ZNF423: variants seen among roughly 807,000 people sequenced by gnomAD.
ZNF423 encodes zinc finger protein 423.
A neutral mutation model predicts 95.8 loss-of-function variants in ZNF423; 12 were observed. The observed-to-expected ratio is 0.13, with a 90% CI of 0.08 to 0.20. ZNF423 has a LOEUF of 0.20. Among genes scored for constraint, ZNF423 ranks in the 10% least tolerant of loss-of-function variants. The pLI is 1.00. For synonymous variants in ZNF423, 749 were observed against 711.9 expected, an observed-to-expected ratio of 1.05 and a Z score of -0.83; for missense variants, 1,316 against 1,737.1, an observed-to-expected ratio of 0.76 and a Z score of 4.31.
At chr16:49,500,079 T>C (rs1327290810) in intron 7 of ZNF423, among the ~76,000 whole-genome samples, 1 of 152,070 alleles carries the variant, frequency 6.6e-6, no homozygotes, top group Admixed American at 6.5e-5. Context: ...AATGAGAGTT[T>C]TATGGCTGTT....
At position 49,636,216 on chromosome 16, in the gene ZNF423, A is replaced by T; in HGVS notation, c.2960T>A (p.Val987Glu). Reference protein sequence around the residue: ...PSLLTLTEHKVTHSKSLDTGT... With the variant: ...PSLLTLTEHKETHSKSLDTGT... ...CGTGTCCAGGCTCTTGCTGTGGGTC[A>T]CCTTGTGTTCGGTGAGCGTCAGCAG... Residue 987 changes from valine to glutamate, a missense_variant, in exon 4 of 8, where the codon GTG (valine) becomes GAG (glutamate). By Grantham distance (121) the Val-to-Glu change is moderately radical. Coordinates refer to ENST00000563137, the MANE Select transcript of ZNF423 (RefSeq NM_001379286.1). The surrounding 1 kb of genome is among the most constrained non-coding windows in gnomAD (Gnocchi z 8.6). 6.2e-7 allele frequency: 1 copy of T among 1,613,182 alleles called. No homozygotes were observed. The highest frequency in any genetic ancestry group is 8.5e-7 in the Non-Finnish European group (1 of 1,179,972).
At chr16:49,524,140 C>T (rs758301857) in intron 6 of ZNF423, among the ~76,000 whole-genome samples, 19 of 152,166 alleles carry the variant, frequency 1.2e-4, no homozygotes, top group Non-Finnish European at 2.4e-4. Flanking sequence ...CAGGGGTGAG[C>T]TTCTTGAACC....
chr16:49,780,264 G>A (rs16947970), intron 2 of ZNF423, among the ~76,000 whole-genome samples: 2,076 of 152,348 alleles, frequency 0.014, 49 homozygotes, highest in African/African-American at 0.048. Context: ...GCCAAGTACA[G>A]TGGAGCCCAA....
At chr16:49,790,971 A>T (rs1258916807) in intron 1 of ZNF423, among the ~76,000 whole-genome samples, 1 of 152,142 alleles carries the variant, frequency 6.6e-6, no homozygotes, top group Non-Finnish European at 1.5e-5. Flanking sequence ...CACAACTCAA[A>T]CAGTCCTGCT....
intron 7 of ZNF423, chr16:49,517,837 G>A: frequency 2.4e-6 from 1 of 413,504 alleles, no homozygotes; most frequent in East Asian, 7.1e-5. Flanking sequence ...GCTGCTTACT[G>A]TTCCCGCTTT....
Position 49,673,632 on chromosome 16 carries a change from C to T in ZNF423, c.302-34758G>A, listed in dbSNP as rs74461189. Among the ~76,000 whole-genome samples, 10 of 152,366 alleles carry T rather than the reference C, an allele frequency of 6.6e-5. No homozygotes were observed. In the East Asian group the frequency reaches 1.2e-3, roughly 18 times the overall value. ...ACATGTGCACAAACACATGGGCACA[C>T]GTGTGTCACATGCACATGCTTATGC... is the stretch of plus-strand genomic sequence containing the variant. On this transcript the variant is annotated intron_variant, in intron 3 of 7. Coordinates refer to ENST00000563137, the MANE Select transcript of ZNF423 (RefSeq NM_001379286.1).
At chr16:49,624,623 G>A (rs1419720134) in intron 5 of ZNF423, among the ~76,000 whole-genome samples, 2 of 152,138 alleles carry the variant, frequency 1.3e-5, no homozygotes, top group Non-Finnish European at 2.9e-5. Context: ...TTCAGAATGG[G>A]CCCATCAAGA....
At chr16:49,756,456 G>A (rs2033728252) in intron 2 of ZNF423, among the ~76,000 whole-genome samples, 1 of 152,098 alleles carries the variant, frequency 6.6e-6, no homozygotes, top group Non-Finnish European at 1.5e-5. Context: ...CTTTTGGAAG[G>A]CCAGTCCCCG....
chr16:49,733,287 C>A (rs796822023), intron 2 of ZNF423, among the ~76,000 whole-genome samples: 3 of 152,294 alleles, frequency 2.0e-5, no homozygotes, highest in African/African-American at 7.2e-5. Context: ...ACCGACCCTC[C>A]AGATAATAAG....
intron 2 of ZNF423, among the ~76,000 whole-genome samples, chr16:49,735,146 C>T (rs1211680059): frequency 6.6e-6 from 1 of 152,166 alleles, no homozygotes; most frequent in Non-Finnish European, 1.5e-5. Context: ...CTCTGCTGAT[C>T]TCTCTCACTT....
At chr16:49,616,079 C>T (rs1418445662) in intron 5 of ZNF423, among the ~76,000 whole-genome samples, 4 of 152,158 alleles carry the variant, frequency 2.6e-5, no homozygotes, top group Non-Finnish European at 5.9e-5. Flanking sequence ...TCCCACCAGA[C>T]ACTATGCTCT....
At chr16:49,532,798 G>A (rs772116843) in intron 5 of ZNF423, among the ~76,000 whole-genome samples, 4 of 152,116 alleles carry the variant, frequency 2.6e-5, no homozygotes, top group Non-Finnish European at 4.4e-5. Flanking sequence ...AAAATAATCC[G>A]GTCACATATC....
At chr16:49,616,952 C>A (rs947421444) in intron 5 of ZNF423, among the ~76,000 whole-genome samples, 1 of 152,130 alleles carries the variant, frequency 6.6e-6, no homozygotes, top group Non-Finnish European at 1.5e-5. Flanking sequence ...TGTGCTGGGA[C>A]CTTTTCATAC....
intron 3 of ZNF423, chr16:49,664,263 G>C: frequency 2.0e-6 from 2 of 985,580 alleles, no homozygotes; most frequent in Non-Finnish European, 2.4e-6. Flanking sequence ...CCGGCCGCCT[G>C]GGCCGGCGGA....
chr16:49,555,902 G>A (rs1292084111), intron 5 of ZNF423, among the ~76,000 whole-genome samples: 1 of 152,130 alleles, frequency 6.6e-6, no homozygotes, highest in Non-Finnish European at 1.5e-5. Flanking sequence ...TGGATGTCAG[G>A]TGGATAATAG....
chr16:49,813,624 G>T (rs1018265012), intron 1 of ZNF423, among the ~76,000 whole-genome samples: 6 of 151,948 alleles, frequency 3.9e-5, no homozygotes, highest in African/African-American at 1.5e-4. Flanking sequence ...ATTCCCTCTC[G>T]CTCCCGCATC....
intron 5 of ZNF423, among the ~76,000 whole-genome samples, chr16:49,535,481 C>T (rs189007039): frequency 3.9e-5 from 6 of 152,332 alleles, no homozygotes; most frequent in African/African-American, 1.4e-4. Flanking sequence ...AGACAAAGAT[C>T]AGGTCCCGGA....
intron 7 of ZNF423, chr16:49,517,782 C>T (rs557949412): frequency 3.4e-5 from 12 of 351,834 alleles, no homozygotes; most frequent in African/African-American, 8.6e-5. Context: ...TACTTTAACT[C>T]TGTGACTCGT....
At chr16:49,800,392 A>T (rs1282523667) in intron 1 of ZNF423, among the ~76,000 whole-genome samples, 1 of 152,212 alleles carries the variant, frequency 6.6e-6, no homozygotes, top group Non-Finnish European at 1.5e-5. Flanking sequence ...GACCCAGGAC[A>T]GCACACATGT....
Sources: allele counts gnomAD v4.1 joint callset (sites outside exome capture counted in the v4.1 genomes callset), GRCh38; gene constraint gnomAD v4.1.1; non-coding constraint Gnocchi (gnomAD v3.1); transcripts MANE v1.5; gene names NCBI Gene and HGNC (gene_info 2026-07-23, HGNC 2026-07-21).